ARHGEF12: variants seen among roughly 807,000 people sequenced by gnomAD.
The protein encoded by ARHGEF12 is KMT2A/ARHGEF12 fusion protein.
A neutral mutation model predicts 211.2 loss-of-function variants in ARHGEF12; 66 were observed. The observed-to-expected ratio is 0.31, with a 90% CI of 0.26 to 0.38. ARHGEF12 has a LOEUF of 0.38. Among genes scored for constraint, ARHGEF12 ranks in the 10% least tolerant of loss-of-function variants. The pLI is 1.00. For synonymous variants in ARHGEF12, 592 were observed against 638.4 expected (o/e 0.93, Z 1.09); for missense variants, 1,429 against 1,869.5 (o/e 0.76, Z 4.34).
Position 120,369,321 on chromosome 11 carries a change from G to T in ARHGEF12, c.32+32046G>T, listed in dbSNP as rs371757466. On this transcript the variant is annotated intron_variant, in intron 1 of 40. Coordinates refer to ENST00000397843, the MANE Select transcript of ARHGEF12 (RefSeq NM_015313.3). ...TTTTTATATGTTTAGTAGAGACGGG[G>T]TTTCACCATGTTGGCCAGGCTGGTC... is the stretch of plus-strand genomic sequence containing the variant. 1.8e-4 allele frequency among the ~76,000 whole-genome samples: 28 copies of T among 152,056 alleles called. No individual in the cohort carries two copies. In the East Asian group the frequency reaches 5.4e-3, roughly 29 times the overall value.
At chr11:120,353,412 C>G (rs980280233) in intron 1 of ARHGEF12, among the ~76,000 whole-genome samples, 1 of 152,184 alleles carries the variant, frequency 6.6e-6, no homozygotes, top group East Asian at 1.9e-4. Context: ...AAACTTCTGG[C>G]CAGTCCTAGG....
At chr11:120,477,016 A>G in intron 34 of ARHGEF12, 2 of 599,304 alleles carry the variant, frequency 3.3e-6, no homozygotes, top group Non-Finnish European at 5.8e-6. Context: ...CTCTTAAGGT[A>G]TAGTTTTGGA....
chr11:120,376,942 T>A (rs974449627), intron 1 of ARHGEF12, among the ~76,000 whole-genome samples: 1 of 152,210 alleles, frequency 6.6e-6, no homozygotes, highest in Non-Finnish European at 1.5e-5. Flanking sequence ...GACCTTCAGT[T>A]CTATTTATAT....
At chr11:120,457,987 T>C (rs1467102462) in intron 24 of ARHGEF12, 93 bp from the exon 25 acceptor site, 2 of 1,423,712 alleles carry the variant, frequency 1.4e-6, no homozygotes, top group Non-Finnish European at 9.6e-7. Flanking sequence ...GATTCAGGAA[T>C]CTGATTAGAA....
chr11:120,407,873 G>A, intron 3 of ARHGEF12, 50 bp downstream of exon 3: 1 of 1,510,334 alleles, frequency 6.6e-7, no homozygotes, highest in South Asian at 1.1e-5. Context: ...GTGAAGTTCA[G>A]AATAATAGAG....
chr11:120,375,339 T>A (rs921870939), intron 1 of ARHGEF12, among the ~76,000 whole-genome samples: 12 of 152,194 alleles, frequency 7.9e-5, no homozygotes, highest in African/African-American at 2.9e-4. Flanking sequence ...TTGGGAAGTA[T>A]TTTTAACATC....
chr11:120,410,793 C>G (rs1407957900), intron 4 of ARHGEF12: 1 of 152,096 alleles, frequency 6.6e-6, no homozygotes, highest in Non-Finnish European at 1.5e-5. Context: ...CTTTTTCTTC[C>G]TTCCAGAGTA....
Position 120,480,196 on chromosome 11 carries a change from T to A in ARHGEF12, c.4003T>A (p.Phe1335Ile). 1 of 1,614,184 alleles carries A rather than the reference T, an allele frequency of 6.2e-7. No individual in the cohort carries two copies. The highest frequency in any genetic ancestry group is 8.5e-7 in the Non-Finnish European group (1 of 1,180,026). The part of the protein sequence containing the change: ...CYSPRTSTES[F>I]APRDSVGLAP... The stretch of plus-strand genomic sequence containing the variant: ...CAGTCCACGGACTTCAACTGAATCT[T>A]TTGCTCCACGGGATTCAGTGGGACT... The change falls in exon 38 of 41, where the codon TTT becomes ATT. Residue 1335 changes from phenylalanine to isoleucine, a missense_variant. Phe to Ile is a conservative substitution (Grantham distance 21). Around this residue, in one of 7 missense-constraint regions of ARHGEF12, gnomAD observed 467 missense variants for 468.4 expected, o/e 1.00. Transcript: ENST00000397843.
At chr11:120,381,721 A>G (rs1313180452) in intron 1 of ARHGEF12, among the ~76,000 whole-genome samples, 6 of 152,154 alleles carry the variant, frequency 3.9e-5, no homozygotes, top group Non-Finnish European at 8.8e-5. Context: ...GTTCAGACAA[A>G]TGCAACGGGT....
intron 29 of ARHGEF12, among the ~76,000 whole-genome samples, chr11:120,468,979 C>T (rs1946788527): frequency 2.0e-5 from 3 of 152,108 alleles, no homozygotes; most frequent in Admixed American, 1.3e-4. Flanking sequence ...ATGAGACCTG[C>T]CCTTCTGGAG....
intron 23 of ARHGEF12, 36 bp from the exon 24 acceptor site, chr11:120,457,685 T>G: frequency 6.5e-7 from 1 of 1,547,862 alleles, no homozygotes; most frequent in Non-Finnish European, 8.8e-7. Flanking sequence ...ATCACCATTT[T>G]GTTTTCATGT....
intron 36 of ARHGEF12, 141 bp downstream of exon 36, chr11:120,477,667 C>A: frequency 1.6e-6 from 1 of 638,166 alleles, no homozygotes; most frequent in African/African-American, 1.9e-5. Context: ...GAGTTAGAGG[C>A]CAACCTGACC....
At chr11:120,356,274 G>T (rs2135336663) in intron 1 of ARHGEF12, among the ~76,000 whole-genome samples, 1 of 152,300 alleles carries the variant, frequency 6.6e-6, no homozygotes, top group South Asian at 2.1e-4. Context: ...AGGCTGGAGT[G>T]CCGTGGCATG....
chr11:120,364,373 G>T (rs1326142780), intron 1 of ARHGEF12, among the ~76,000 whole-genome samples: 1 of 152,134 alleles, frequency 6.6e-6, no homozygotes. Flanking sequence ...ATGTAAATTG[G>T]TTTAAACTTA....
intron 27 of ARHGEF12, chr11:120,462,930 A>G (rs1044571142): frequency 2.0e-5 from 3 of 152,216 alleles, no homozygotes; most frequent in African/African-American, 4.8e-5. Context: ...GAGCTTGGCA[A>G]TATGTGGTAT....
intron 29 of ARHGEF12, among the ~76,000 whole-genome samples, chr11:120,468,182 T>G (rs1239988392): frequency 6.6e-6 from 1 of 152,254 alleles, no homozygotes; most frequent in African/African-American, 2.4e-5. Flanking sequence ...TAGGTTCTTA[T>G]ACTTAGCTCT....
At chr11:120,472,003 C>G (rs910382016) in intron 30 of ARHGEF12, among the ~76,000 whole-genome samples, 3 of 151,998 alleles carry the variant, frequency 2.0e-5, no homozygotes, top group Non-Finnish European at 4.4e-5. Flanking sequence ...ATCAGTAAGG[C>G]GTAATGAAAT....
At chr11:120,425,760 TA>T (rs35751948) in intron 7 of ARHGEF12, among the ~76,000 whole-genome samples, 64,388 of 136,980 alleles carry the variant, frequency 0.47, 15,150 homozygotes, top group African/African-American at 0.62. Flanking sequence ...TTGTATCTCT[TA>T]AAAAAAAAAA....
In ARHGEF12 at chr11:120,467,904, T is replaced by A. The variant is rs148948603; in HGVS notation, c.2854+596T>A. Among the ~76,000 whole-genome samples, 28 of 152,302 alleles carry A rather than the reference T, an allele frequency of 1.8e-4. No homozygotes were observed. The East Asian group carries it at 4.8e-3, about 26-fold the overall frequency. ...TTGGAGCACAGCCGTGCTCGTCTGT[T>A]TATGTACTGTCCCTGATTGCTTTTA... On this transcript the variant is annotated intron_variant, in intron 29 of 40. Coordinates refer to ENST00000397843, the MANE Select transcript of ARHGEF12 (RefSeq NM_015313.3).
Sources: allele counts gnomAD v4.1 joint callset (sites outside exome capture counted in the v4.1 genomes callset), GRCh38; gene constraint gnomAD v4.1.1; regional missense constraint gnomAD v4.1.1; transcripts MANE v1.5; gene names NCBI Gene and HGNC (gene_info 2026-07-23, HGNC 2026-07-21).